CSMD2: variants seen among roughly 807,000 people sequenced by gnomAD.
The protein encoded by CSMD2 is CUB and Sushi multiple domains 2.
Under a neutral mutation model 398.5 loss-of-function variants are expected in CSMD2, and 130 were observed. The ratio of observed to expected loss-of-function variants is 0.33; its 90% CI spans 0.28 to 0.38. CSMD2 has a LOEUF of 0.38. Ranked by LOEUF, CSMD2 falls within the 10% of genes least tolerant of loss-of-function variation. The pLI is 1.00. For missense variants in CSMD2, 3,829 were observed against 4,764.9 expected, an observed-to-expected ratio of 0.80 and a Z score of 5.78; for synonymous variants, 1,828 against 1,908.5, an observed-to-expected ratio of 0.96 and a Z score of 1.10.
At position 33,723,843 on chromosome 1, in the gene CSMD2, G is replaced by A. The variant is rs117729525; in HGVS notation, c.3001+354C>T. Among the ~76,000 whole-genome samples, 19 of 152,284 alleles carry A rather than the reference G, an allele frequency of 1.2e-4. No individual in the cohort carries two copies. In the East Asian group the frequency reaches 3.3e-3, roughly 26 times the overall value. ...TAGGTGCCCATCTGTTGAACGGGTT[G>A]GTGGCCTCCCCACATCAGGCATGTT... On this transcript the variant is annotated intron_variant, in intron 19 of 70. Transcript: ENST00000373381.
chr1:33,965,570 C>G (rs188722814), intron 3 of CSMD2, among the ~76,000 whole-genome samples: 1 of 152,144 alleles, frequency 6.6e-6, no homozygotes, highest in Non-Finnish European at 1.5e-5. Context: ...GGGTCCTTGC[C>G]TTCTGGGATT....
intron 43 of CSMD2, 88 bp from the exon 44 acceptor site, chr1:33,601,098 C>T: frequency 6.5e-7 from 1 of 1,535,284 alleles, no homozygotes; most frequent in Non-Finnish European, 8.9e-7. Flanking sequence ...TAAGACAGAC[C>T]TGGAGTGGGA....
intron 25 of CSMD2, among the ~76,000 whole-genome samples, chr1:33,678,796 G>A (rs931739055): frequency 6.6e-6 from 1 of 152,148 alleles, no homozygotes; most frequent in African/African-American, 2.4e-5. Flanking sequence ...CAGCATTGGT[G>A]TCTATAGCAA....
chr1:34,137,728 A>T (rs993753904), intron 1 of CSMD2, among the ~76,000 whole-genome samples: 1 of 152,228 alleles, frequency 6.6e-6, no homozygotes, highest in Non-Finnish European at 1.5e-5. Context: ...TTGGGAAGGC[A>T]AGGAACCTAA....
At chr1:34,093,173 T>A (rs1428940864) in intron 1 of CSMD2, among the ~76,000 whole-genome samples, 2 of 152,062 alleles carry the variant, frequency 1.3e-5, no homozygotes, top group Non-Finnish European at 2.9e-5. Context: ...TGCAGGGTAC[T>A]CCAACAGACC....
chr1:33,676,472 A>G (rs1036075551), intron 25 of CSMD2, among the ~76,000 whole-genome samples: 1 of 152,238 alleles, frequency 6.6e-6, no homozygotes, highest in African/African-American at 2.4e-5. Flanking sequence ...ATACAAAGAA[A>G]AGAAAGAACA....
At chr1:33,867,934 G>A (rs953098218) in intron 5 of CSMD2, among the ~76,000 whole-genome samples, 1 of 152,106 alleles carries the variant, frequency 6.6e-6, no homozygotes, top group African/African-American at 2.4e-5. Flanking sequence ...TGTGAATGTG[G>A]GTGGCCAAGT....
At chr1:33,647,477 T>G (rs1445694854) in intron 28 of CSMD2, among the ~76,000 whole-genome samples, 1 of 152,238 alleles carries the variant, frequency 6.6e-6, no homozygotes, top group East Asian at 1.9e-4. Flanking sequence ...GAATGTAATT[T>G]ATCCCACTGG....
At chr1:33,785,993 T>C (rs1653493147) in intron 12 of CSMD2, among the ~76,000 whole-genome samples, 1 of 152,220 alleles carries the variant, frequency 6.6e-6, no homozygotes. Context: ...TATCCCAAGC[T>C]GAGGTCCCAC....
At chr1:33,781,074 C>T (rs548666011) in intron 12 of CSMD2, among the ~76,000 whole-genome samples, 1 of 152,288 alleles carries the variant, frequency 6.6e-6, no homozygotes, top group South Asian at 2.1e-4. Flanking sequence ...TCAGCAGTGC[C>T]CACCACTGGA....
chr1:34,039,186 GC>G (rs1317824904), intron 2 of CSMD2, among the ~76,000 whole-genome samples: 2 of 152,164 alleles, frequency 1.3e-5, no homozygotes, highest in Admixed American at 6.5e-5. Context: ...GAGTGGAACA[GC>G]ACCTCCCACC....
intron 10 of CSMD2, chr1:33,804,932 G>A: frequency 1.4e-6 from 1 of 716,308 alleles, no homozygotes; most frequent in Non-Finnish European, 2.6e-6. Context: ...CAGCCTTTCT[G>A]GGCTCCCTCA....
At chr1:33,803,296 G>A (rs1327519389) in intron 10 of CSMD2, among the ~76,000 whole-genome samples, 1 of 152,078 alleles carries the variant, frequency 6.6e-6, no homozygotes, top group African/African-American at 2.4e-5. Flanking sequence ...CATTCCTTAA[G>A]CTTCTATTCT....
rs558172258 is a variant in CSMD2, at chr1:33,612,871, G to A, written c.6134-1621C>T. Among the ~76,000 whole-genome samples, 6 of 152,156 alleles carry A rather than the reference G, an allele frequency of 3.9e-5. No homozygotes were observed. In the East Asian group the frequency reaches 9.7e-4, roughly 25 times the overall value. ...TAATTTTTTGTATTTTAGTAGAGAC[G>A]GGTTTTCACCGTGTTAGGCTGTGAT... On this transcript the variant is annotated intron_variant, in intron 40 of 70. Coordinates refer to ENST00000373381, the MANE Select transcript of CSMD2 (RefSeq NM_001281956.2).
chr1:34,011,609 G>T (rs747424968), intron 3 of CSMD2, among the ~76,000 whole-genome samples: 2 of 152,004 alleles, frequency 1.3e-5, no homozygotes, highest in African/African-American at 2.4e-5. Flanking sequence ...GAGTACATAG[G>T]TGTATATATT....
intron 3 of CSMD2, among the ~76,000 whole-genome samples, chr1:33,970,387 C>T (rs1203183575): frequency 6.6e-6 from 1 of 152,130 alleles, no homozygotes; most frequent in Non-Finnish European, 1.5e-5. Flanking sequence ...ATCGCTAATC[C>T]CACCCTCATT....
At chr1:34,032,796 A>T in intron 2 of CSMD2, 90 bp from the exon 3 acceptor site, 1 of 844,690 alleles carries the variant, frequency 1.2e-6, no homozygotes, top group East Asian at 2.8e-5. Flanking sequence ...CTGGATACAC[A>T]GTGCTGATCT....
chr1:33,763,066 C>A (rs914773204), intron 13 of CSMD2, among the ~76,000 whole-genome samples: 2 of 152,156 alleles, frequency 1.3e-5, no homozygotes, highest in African/African-American at 4.8e-5. Context: ...AACTTAATAG[C>A]AACAGCATAT....
intron 1 of CSMD2, among the ~76,000 whole-genome samples, chr1:34,092,533 G>A (rs974771974): frequency 6.6e-6 from 1 of 152,180 alleles, no homozygotes; most frequent in Non-Finnish European, 1.5e-5. Flanking sequence ...GACAGTGGGC[G>A]CAGGTCAGTG....
Sources: allele counts gnomAD v4.1 joint callset (sites outside exome capture counted in the v4.1 genomes callset), GRCh38; gene constraint gnomAD v4.1.1; transcripts MANE v1.5; gene names NCBI Gene and HGNC (gene_info 2026-07-23, HGNC 2026-07-21).